Variants in ASB4 observed in about 807,000 individuals in gnomAD.
ASB4 encodes ankyrin repeat and SOCS box containing 4.
ASB4 carries 35 observed loss-of-function variants against 38.6 expected under a neutral mutation model. The ratio of observed to expected loss-of-function variants is 0.91; its 90% CI spans 0.69 to 1.20. The LOEUF is 1.20. ASB4 is among the 50% of genes most tolerant of loss of function. The probability of loss-of-function intolerance (pLI) is 0.00; values close to 1 mark genes in which losing one functional copy is unlikely to be tolerated. For synonymous variants in ASB4, 195 were observed against 201.3 expected (o/e 0.97, Z 0.26); for missense variants, 557 against 527.2 (o/e 1.06, Z -0.55).
upstream of ASB4, among the ~76,000 whole-genome samples, chr7:95,477,103 G>T (rs938203359): frequency 6.6e-6 from 1 of 151,924 alleles, no homozygotes; most frequent in South Asian, 2.1e-4. Flanking sequence ...GCATTGGCTT[G>T]GATTTTTTTT....
upstream of ASB4, among the ~76,000 whole-genome samples, chr7:95,475,621 T>C (rs1409362012): frequency 6.6e-6 from 1 of 152,126 alleles, no homozygotes; most frequent in Non-Finnish European, 1.5e-5. Flanking sequence ...TGACCTCAGG[T>C]GATCCACCCA....
chr7:95,514,688 G>T lies in ASB4; in HGVS notation c.488-13125G>T, dbSNP rs140462942. Among the ~76,000 whole-genome samples, 7 of 152,260 alleles carry T rather than the reference G, an allele frequency of 4.6e-5. No individual in the cohort carries two copies. The East Asian group carries it at 1.4e-3, about 29-fold the overall frequency. ...TACCCATTTCTCAGTGATGAAGATG[G>T]TACAAAGAAGCGCAACCTGGAGTCC... is the stretch of plus-strand genomic sequence containing the variant. On this transcript the variant is annotated intron_variant, in intron 2 of 4. Transcript: ENST00000325885.
At chr7:95,481,548 A>C (rs1182048630), upstream of ASB4, among the ~76,000 whole-genome samples, 1 of 152,206 alleles carries the variant, frequency 6.6e-6, no homozygotes, top group Non-Finnish European at 1.5e-5. Context: ...TCTAGTTTCC[A>C]ATTCTAGCTG....
intron 2 of ASB4, among the ~76,000 whole-genome samples, chr7:95,519,451 A>G (rs1227320643): frequency 1.3e-5 from 2 of 152,306 alleles, no homozygotes; most frequent in African/African-American, 4.8e-5. Flanking sequence ...CACAATTAAT[A>G]TTTTCATAAA....
upstream of ASB4, among the ~76,000 whole-genome samples, chr7:95,476,818 C>G (rs537381484): frequency 3.3e-5 from 5 of 152,310 alleles, no homozygotes; most frequent in African/African-American, 9.6e-5. Context: ...TGGTATGAAA[C>G]ATTTTTAGCT....
chr7:95,500,981 T>G (rs904757758), intron 2 of ASB4, among the ~76,000 whole-genome samples: 3 of 152,230 alleles, frequency 2.0e-5, no homozygotes, highest in African/African-American at 7.2e-5. Flanking sequence ...ATCACCACTC[T>G]TCACATTTAC....
chr7:95,532,798 A>G (rs540324665), intron 3 of ASB4, among the ~76,000 whole-genome samples: 11 of 152,260 alleles, frequency 7.2e-5, no homozygotes, highest in African/African-American at 2.4e-4. Flanking sequence ...TTCAGTAGTC[A>G]CCACAGTAGA....
At position 95,522,529 on chromosome 7, in the gene ASB4, G is replaced by A. The variant is rs372612418; in HGVS notation, c.488-5284G>A. ...TAAATTTGCCTCTACATGTTAGGCAGGGCATTGTATTTATTTTTAAAAGAT... is the reference window on the plus strand; with the variant it reads ...TAAATTTGCCTCTACATGTTAGGCAAGGCATTGTATTTATTTTTAAAAGAT... On this transcript the variant is annotated intron_variant, in intron 2 of 4. Coordinates refer to ENST00000325885, the MANE Select transcript of ASB4 (RefSeq NM_016116.3). Among the ~76,000 whole-genome samples the A allele has an allele frequency of 3.3e-5, 5 of 152,198 alleles. No individual in the cohort carries two copies. The South Asian group carries it at 1.0e-3, about 32-fold the overall frequency.
chr7:95,489,597 A>G lies in ASB4; in HGVS notation c.187+3439A>G, dbSNP rs548296606. 1.4e-3 allele frequency among the ~76,000 whole-genome samples: 215 copies of G among 152,328 alleles called. 1 individual carries two copies. The highest frequency in any genetic ancestry group is 2.7e-3 in the Non-Finnish European group (186 of 68,012). ...AAACATTTAAAATGTGCTGGTTGGC[A>G]TTTGAGAGACCTCCCTGGGAATGGC... On this transcript the variant is annotated intron_variant, in intron 1 of 4. Transcript: ENST00000325885.
At chr7:95,517,456 G>A (rs1262429036) in intron 2 of ASB4, among the ~76,000 whole-genome samples, 1 of 152,168 alleles carries the variant, frequency 6.6e-6, no homozygotes, top group Non-Finnish European at 1.5e-5. Flanking sequence ...TCTCCAGGAA[G>A]TTATGTATAA....
At chr7:95,507,337 A>G (rs1290313174) in intron 2 of ASB4, among the ~76,000 whole-genome samples, 1 of 151,824 alleles carries the variant, frequency 6.6e-6, no homozygotes, top group African/African-American at 2.4e-5. Flanking sequence ...AAGGCTGGGG[A>G]TGCAAATACA....
intron 2 of ASB4, among the ~76,000 whole-genome samples, chr7:95,506,148 C>G (rs1458186482): frequency 2.0e-5 from 3 of 152,172 alleles, no homozygotes; most frequent in Admixed American, 6.5e-5. Flanking sequence ...ATCCTCCTGC[C>G]TAGGCCTACA....
At chr7:95,545,408 G>A in the ASB4 span, among the ~76,000 whole-genome samples, 1 of 151,982 alleles carries the variant, frequency 6.6e-6, no homozygotes, top group African/African-American at 2.4e-5. Context: ...TTTCTGTCCT[G>A]TGGTTACATA....
At chr7:95,484,627 T>C (rs145811803), upstream of ASB4, among the ~76,000 whole-genome samples, 198 of 152,316 alleles carry the variant, frequency 1.3e-3, no homozygotes, top group African/African-American at 4.7e-3. Flanking sequence ...AAGAATCAAA[T>C]AGTATCATTG....
intron 2 of ASB4, among the ~76,000 whole-genome samples, chr7:95,512,905 CAT>C (rs1214613064): frequency 3.9e-5 from 6 of 152,168 alleles, no homozygotes; most frequent in African/African-American, 1.2e-4. Context: ...CCTGTGATTA[CAT>C]GTTACTTGAT....
At chr7:95,534,931 C>T (rs557682336) in intron 3 of ASB4, among the ~76,000 whole-genome samples, 2 of 152,166 alleles carry the variant, frequency 1.3e-5, no homozygotes, top group Non-Finnish European at 2.9e-5. Flanking sequence ...ATCCCAAGCT[C>T]TTCAGGCTGA....
upstream of ASB4, among the ~76,000 whole-genome samples, chr7:95,484,755 A>T (rs912507315): frequency 1.8e-4 from 27 of 152,210 alleles, no homozygotes; most frequent in African/African-American, 6.3e-4. Flanking sequence ...ACTTGCTATT[A>T]TAATTTTCCT....
chr7:95,502,044 C>G lies in ASB4; in HGVS notation c.487+5987C>G, dbSNP rs560424863. ...ATAAAACTGGGGAAAATATTTGAGA[C>G]TATATGACAAAGGGCTTACTATACG... is the stretch of plus-strand genomic sequence containing the variant. On this transcript the variant is annotated intron_variant, in intron 2 of 4. Transcript: ENST00000325885. Among the ~76,000 whole-genome samples, 318 of 150,530 alleles carry G rather than the reference C, an allele frequency of 2.1e-3. 1 individual carries two copies. The highest frequency in any genetic ancestry group is 7.4e-3 in the African/African-American group (305 of 40,952).
chr7:95,536,618 A>C, intron 4 of ASB4, 68 bp downstream of exon 4: 1 of 1,169,556 alleles, frequency 8.6e-7, no homozygotes, highest in Non-Finnish European at 1.2e-6. Flanking sequence ...AGAAGTACAG[A>C]AAATTGTAAC....
Sources: gnomAD v4.1 joint callset for allele counts (sites outside exome capture counted in the v4.1 genomes callset) on GRCh38, gnomAD v4.1.1 for gene constraint, MANE v1.5 for transcripts, NCBI Gene and HGNC (gene_info 2026-07-23, HGNC 2026-07-21) for gene names.